ARPC2: variants seen among roughly 807,000 people sequenced by gnomAD.
ARPC2 encodes actin-related protein 2/3 complex subunit 2.
In ARPC2, 4 loss-of-function variants were observed where a neutral mutation model predicts 38.6. The ratio of observed to expected loss-of-function variants is 0.10; its 90% CI spans 0.05 to 0.24. ARPC2 has a LOEUF of 0.24. ARPC2 is among the 10% of genes least tolerant of loss of function. The pLI is 1.00. For synonymous variants in ARPC2, 125 were observed against 140.8 expected (o/e 0.89, Z 0.79); for missense variants, 229 against 387.3 (o/e 0.59, Z 3.43).
At chr2:218,240,193 T>G (rs915247226) in intron 7 of ARPC2, among the ~76,000 whole-genome samples, 1 of 149,762 alleles carries the variant, frequency 6.7e-6, no homozygotes, top group Non-Finnish European at 1.5e-5. Context: ...GACCTCATGA[T>G]CCGCCCGCCT....
chr2:218,239,820 C>T (rs181326688), intron 7 of ARPC2, among the ~76,000 whole-genome samples: 3 of 151,862 alleles, frequency 2.0e-5, no homozygotes, highest in Admixed American at 6.6e-5. Context: ...CTCAAACTGC[C>T]GACCTCAGGT....
chr2:218,249,393 G>T lies in ARPC2; in HGVS notation c.706G>T (p.Ala236Ser). 1 of 1,613,500 alleles carries T rather than the reference G, an allele frequency of 6.2e-7. No individual in the cohort carries two copies. The highest frequency in any genetic ancestry group is 8.5e-7 in the Non-Finnish European group (1 of 1,179,768). Residue 236 changes from alanine (A) to serine (S), a missense_variant, in exon 9 of 11, where the codon GCT (alanine) becomes TCT (serine). Physicochemically the swap from Ala to Ser is moderately conservative, Grantham distance 99. Transcript: ENST00000315717. ...GTTCCCTCGTCACACCAATGCCAGTGCTCGAGACAACACCATCAACCTGAT... is the reference window on the plus strand; with the variant it reads ...GTTCCCTCGTCACACCAATGCCAGTTCTCGAGACAACACCATCAACCTGAT... ...VLFPRHTNAS[A>S]RDNTINLIHT...
In ARPC2 at chr2:218,238,701, TC is replaced by T. The variant is rs1487424949; in HGVS notation, c.308del (p.Pro103ArgfsTer14). 1 of 1,613,496 alleles carries T rather than the reference TC, an allele frequency of 6.2e-7. No homozygotes were observed. Among genetic ancestry groups the T allele is most frequent in the Non-Finnish European group, 8.5e-7 (1 of 1,179,834 alleles). ...VSLLYDLENLPASKDSIVHQA... is the reference protein window; with the variant it reads ...VSLLYDLENLXASKDSIVHQA... ...CTTTGCTATATGACCTTGAAAATCTTCCGGCATCCAAGGATTCCATTGTGCA... is the reference window on the plus strand; with the variant it reads ...CTTTGCTATATGACCTTGAAAATCTTCGGCATCCAAGGATTCCATTGTGCA... On this transcript the variant is annotated frameshift_variant, in exon 6 of 11. Transcript: ENST00000315717. LOFTEE classifies it high-confidence loss of function.
At chr2:218,250,100 T>C (rs1321258317) in intron 10 of ARPC2, among the ~76,000 whole-genome samples, 179 bp downstream of exon 10, 1 of 152,172 alleles carries the variant, frequency 6.6e-6, no homozygotes, top group Non-Finnish European at 1.5e-5. Context: ...TAGGCCAGGA[T>C]GGGTTTCCTT....
intron 6 of ARPC2, chr2:218,239,087 C>G (rs764315587): frequency 1.1e-5 from 6 of 564,946 alleles, no homozygotes; most frequent in Non-Finnish European, 1.9e-5. Context: ...CTTTAAGGCA[C>G]CACTGTTCTG....
At chr2:218,231,382 A>G (rs983683329) in intron 4 of ARPC2, among the ~76,000 whole-genome samples, 1 of 152,208 alleles carries the variant, frequency 6.6e-6, no homozygotes, top group Non-Finnish European at 1.5e-5. Context: ...ATCTCAGAAT[A>G]TTAACTTAGT....
At position 218,249,836 on chromosome 2, in the gene ARPC2, C is replaced by G; in HGVS notation, c.793C>G (p.Arg265Gly). The G allele has an allele frequency of 6.2e-7, 1 of 1,613,702 alleles. No homozygotes were observed. Among genetic ancestry groups the G allele is most frequent in the Non-Finnish European group, 8.5e-7 (1 of 1,179,810 alleles). The change falls in exon 10 of 11, where the codon CGT (arginine) becomes GGT (glycine). Residue 265 changes from arginine (R) to glycine (G), a missense_variant. By Grantham distance (125) the Arg-to-Gly change is moderately radical. Coordinates refer to ENST00000315717, the MANE Select transcript of ARPC2 (RefSeq NM_152862.3). ...TTGTTCCCAGGCCTATATTCACACA[C>G]GTATGCGGGCGAAAACGTCTGACTT... ...IKCSKAYIHT[R>G]MRAKTSDFLK...
At chr2:218,225,788 C>T (rs1193528966) in intron 2 of ARPC2, 132 bp from the exon 3 acceptor site, 7 of 753,740 alleles carry the variant, frequency 9.3e-6, no homozygotes, top group Non-Finnish European at 1.6e-5. Context: ...ATTGTGTACT[C>T]TGATTGGCAG....
chr2:218,223,564 C>T (rs367856995), intron 2 of ARPC2, among the ~76,000 whole-genome samples: 2 of 152,206 alleles, frequency 1.3e-5, no homozygotes, highest in African/African-American at 4.8e-5. Flanking sequence ...ATATCCCCCA[C>T]AGATAAGGGG....
At chr2:218,248,617 C>G (rs1690104233) in intron 8 of ARPC2, among the ~76,000 whole-genome samples, 1 of 152,216 alleles carries the variant, frequency 6.6e-6, no homozygotes, top group African/African-American at 2.4e-5. Context: ...CACGCCATCA[C>G]ATGTGGCTAA....
At chr2:218,230,672 T>C (rs1270273174) in intron 4 of ARPC2, among the ~76,000 whole-genome samples, 1 of 152,114 alleles carries the variant, frequency 6.6e-6, no homozygotes, top group Non-Finnish European at 1.5e-5. Flanking sequence ...TTTTTTAAAT[T>C]GTGTAATCAT....
At chr2:218,239,065 T>G (rs1424171971) in intron 6 of ARPC2, 3 of 565,788 alleles carry the variant, frequency 5.3e-6, no homozygotes, top group Non-Finnish European at 9.3e-6. Flanking sequence ...GGAAAGAGAA[T>G]CCAGTGCTTT....
At chr2:218,221,269 T>A (rs186419252) in intron 2 of ARPC2, among the ~76,000 whole-genome samples, 2 of 152,126 alleles carry the variant, frequency 1.3e-5, no homozygotes, top group African/African-American at 2.4e-5. Flanking sequence ...GCAGTGCCAG[T>A]TGGGGTGGGC....
chr2:218,223,646 A>G (rs1278403711), intron 2 of ARPC2, among the ~76,000 whole-genome samples: 3 of 152,198 alleles, frequency 2.0e-5, no homozygotes, highest in African/African-American at 7.2e-5. Flanking sequence ...TTTTGTCCCC[A>G]TTTTGTAGAA....
chr2:218,235,517 T>TA (rs1482855733), intron 5 of ARPC2: 7 of 151,876 alleles, frequency 4.6e-5, no homozygotes, highest in Non-Finnish European at 8.8e-5. Flanking sequence ...TTTTTTTTTT[T>TA]AATCTCCAAA....
chr2:218,237,014 TC>T (rs1329771823), intron 5 of ARPC2, among the ~76,000 whole-genome samples: 6 of 152,122 alleles, frequency 3.9e-5, no homozygotes, highest in African/African-American at 1.2e-4. Flanking sequence ...AATCAAGTGT[TC>T]CAGCCGGCTT....
At chr2:218,250,078 C>T (rs1690149134) in intron 10 of ARPC2, among the ~76,000 whole-genome samples, 157 bp downstream of exon 10, 2 of 152,070 alleles carry the variant, frequency 1.3e-5, no homozygotes, top group African/African-American at 4.8e-5. Flanking sequence ...ATTCCATGTT[C>T]TCACTGCCAT....
chr2:218,249,494 A>G (rs370857099), intron 9 of ARPC2, 30 bp downstream of exon 9: 47 of 1,510,008 alleles, frequency 3.1e-5, no homozygotes, highest in Non-Finnish European at 3.9e-5. Context: ...CTCAGCCTCT[A>G]TGCTCTGGGT....
chr2:218,236,374 A>G (rs550026413), intron 5 of ARPC2: 1 of 152,242 alleles, frequency 6.6e-6, no homozygotes, highest in East Asian at 1.9e-4. Flanking sequence ...TCAAGTACCC[A>G]AAATAGAATG....
Sources: allele counts gnomAD v4.1 joint callset (sites outside exome capture counted in the v4.1 genomes callset), GRCh38; gene constraint gnomAD v4.1.1; transcripts MANE v1.5; gene names NCBI Gene and HGNC (gene_info 2026-07-23, HGNC 2026-07-21).